Variants in PDCD4 observed in about 807,000 individuals in gnomAD.
PDCD4 encodes the protein programmed cell death protein 4.
In PDCD4, 56 loss-of-function variants were observed where a neutral mutation model predicts 54.0. That is an observed-to-expected ratio of 1.04 (90% CI 0.84 to 1.30). PDCD4 has a LOEUF of 1.30. PDCD4 is among the 50% of genes most tolerant of loss of function. The pLI, the probability that PDCD4 is intolerant of heterozygous loss-of-function variation, is 0.00. For missense variants in PDCD4, 584 were observed against 559.8 expected (o/e 1.04, Z -0.44); for synonymous variants, 186 against 194.8 (o/e 0.95, Z 0.37).
intron 2 of PDCD4, among the ~76,000 whole-genome samples, chr10:110,878,795 C>T (rs146963033): frequency 1.3e-5 from 2 of 152,238 alleles, no homozygotes; most frequent in African/African-American, 4.8e-5. Context: ...GCTCTTGAAG[C>T]TTATAGACCA....
chr10:110,896,994 T>G (rs575232311), intron 11 of PDCD4, among the ~76,000 whole-genome samples: 223 of 152,338 alleles, frequency 1.5e-3, no homozygotes, highest in African/African-American at 5.1e-3. Context: ...GATTTATGTA[T>G]GGATGTGCCA....
intron 4 of PDCD4, 103 bp downstream of exon 4, chr10:110,883,200 G>A: frequency 1.3e-6 from 1 of 742,904 alleles, no homozygotes; most frequent in South Asian, 1.7e-5. Flanking sequence ...ATGTATAAAT[G>A]TTTTGGATTA....
chr10:110,895,683 T>A (rs767392929), intron 10 of PDCD4, among the ~76,000 whole-genome samples: 5 of 152,212 alleles, frequency 3.3e-5, no homozygotes, highest in Non-Finnish European at 5.9e-5. Context: ...TGAACTAATT[T>A]GCATTCCCAC....
intron 6 of PDCD4, among the ~76,000 whole-genome samples, chr10:110,888,781 C>T (rs1052337756): frequency 6.6e-6 from 1 of 152,096 alleles, no homozygotes; most frequent in African/African-American, 2.4e-5. Context: ...TACCATTTAA[C>T]CATACCTTTA....
rs1008870756 is a variant in PDCD4, at chr10:110,885,309, G to A, written c.498G>A (p.Lys166=). ...CTTTGGATGAAAGGGCATTTGAGAAGACTTTAACACCAATCATACAGGAAT... is the reference window on the plus strand; with the variant it reads ...CTTTGGATGAAAGGGCATTTGAGAAAACTTTAACACCAATCATACAGGAAT... ...VLPLDERAFE[K]TLTPIIQEYF... The change falls in exon 5 of 12, where the codon AAG becomes AAA. Residue 166 remains lysine, a synonymous_variant. Transcript: ENST00000280154. 5.0e-6 allele frequency: 8 copies of A among 1,602,548 alleles called. No individual in the cohort carries two copies. The highest frequency in any genetic ancestry group is 6.8e-6 in the Non-Finnish European group (8 of 1,171,326).
At chr10:110,895,098 A>G (rs1240865680) in intron 10 of PDCD4, among the ~76,000 whole-genome samples, 2 of 151,984 alleles carry the variant, frequency 1.3e-5, no homozygotes, top group Admixed American at 6.6e-5. Flanking sequence ...TAGATATCAG[A>G]GGGGTATATG....
At position 110,896,056 on chromosome 10, in the gene PDCD4, T is replaced by C. The variant is rs140405638; in HGVS notation, c.1318T>C (p.Ser440Pro). Residue 440 changes from serine to proline, a missense_variant, in exon 11 of 12, where the codon TCC becomes CCC. Ser to Pro is a moderately conservative substitution (Grantham distance 74). Transcript: ENST00000280154. The part of the protein sequence containing the change: ...VEECFQAGII[S>P]KQLRDLCPSR... ...AGAATGTTTTCAGGCTGGAATAATT[T>C]CCAAACAACTCAGAGATCTTTGTCC... 3 of 1,611,038 alleles carry C rather than the reference T, an allele frequency of 1.9e-6. No individual in the cohort carries two copies. The African/African-American group carries it at 4.0e-5, about 22-fold the overall frequency.
At chr10:110,893,797 C>CTAAT (rs1845790873) in intron 8 of PDCD4, among the ~76,000 whole-genome samples, 1 of 152,056 alleles carries the variant, frequency 6.6e-6, no homozygotes, top group Non-Finnish European at 1.5e-5. Context: ...CACACTAGAG[C>CTAAT]ATTATGGTCA....
At chr10:110,881,191 C>CT in intron 2 of PDCD4, 42 bp from the exon 3 acceptor site, 4 of 1,468,476 alleles carry the variant, frequency 2.7e-6, no homozygotes, top group Non-Finnish European at 3.8e-6. Context: ...ACAGTAGATA[C>CT]TTAAAATACT....
rs1845884517 is a variant in PDCD4, at chr10:110,898,441, A to G, written c.*353A>G. The G allele has an allele frequency of 5.9e-6, 1 of 169,274 alleles. No homozygotes were observed. Among genetic ancestry groups the G allele is most frequent in the South Asian group, 2.0e-4 (1 of 5,006 alleles). 10.5% of individuals were successfully genotyped at this position (169,274 alleles called of 1,614,324 possible). A position where few individuals can be genotyped will look rare whatever the true frequency, so the allele number is the denominator to read the frequency against. On this transcript the variant is annotated 3_prime_UTR_variant, in exon 12 of 12. Coordinates refer to ENST00000280154, the MANE Select transcript of PDCD4 (RefSeq NM_014456.5). ...GGACAGTGTTTTTTGTAGTAAAATC[A>G]CTGGTTTATACAAAGCTTTATTTAG...
intron 8 of PDCD4, among the ~76,000 whole-genome samples, chr10:110,892,866 C>G (rs1845776751): frequency 6.6e-6 from 1 of 152,146 alleles, no homozygotes; most frequent in Admixed American, 6.5e-5. Flanking sequence ...CCTGAAAGCT[C>G]TATTCATATT....
At position 110,889,027 on chromosome 10, in the gene PDCD4, C is replaced by T. The variant is rs1430878788; in HGVS notation, c.778-506C>T. Among the ~76,000 whole-genome samples, 9 of 151,766 alleles carry T rather than the reference C, an allele frequency of 5.9e-5. No homozygotes were observed. The East Asian group carries it at 7.8e-4, about 13-fold the overall frequency. ...CAGGCGGATCACGAGGTCAGGAGTT[C>T]GAGACCAGCCTGGCCAAGATGGTGA... On this transcript the variant is annotated intron_variant, in intron 6 of 11. Transcript: ENST00000280154.
At chr10:110,884,873 A>C (rs1203516918) in intron 4 of PDCD4, 1 of 155,272 alleles carries the variant, frequency 6.4e-6, no homozygotes, top group Non-Finnish European at 1.4e-5. Context: ...AGCTCACTGC[A>C]GCCTCGAACT....
rs185605824 is a variant in PDCD4, at chr10:110,894,171, T to G, written c.1071T>G (p.Pro357=). The change falls in exon 9 of 12, where the codon CCT becomes CCG. Residue 357 remains proline (P), a synonymous_variant. Coordinates refer to ENST00000280154, the MANE Select transcript of PDCD4 (RefSeq NM_014456.5). ...AEHCLKELEV[P]HFHHELVYEA... is the part of the protein sequence containing the mutation. Reference sequence around the variant, plus strand: ...ATTGCCTTAAGGAACTGGAAGTACCTCATTTTCACCATGAGCTTGTATATG... The same window carrying G: ...ATTGCCTTAAGGAACTGGAAGTACCGCATTTTCACCATGAGCTTGTATATG... The G allele has an allele frequency of 3.9e-5, 63 of 1,597,752 alleles. No individual in the cohort carries two copies. The East Asian group carries it at 1.4e-3, about 35-fold the overall frequency.
In PDCD4 at chr10:110,890,659, C is replaced by G; in HGVS notation, c.979C>G (p.Leu327Val). The change falls in exon 8 of 12, where the codon CTT (leucine) becomes GTT (valine). Residue 327 changes from leucine (L) to valine (V), a missense_variant. Transcript: ENST00000280154. The part of the protein sequence containing the change: ...SGGGQQSVNH[L>V]VKEIDMLLKE... ...AGGTGGGCAGCAATCTGTCAATCAC[C>G]TTGTTAAAGAGGTAATGATTGGGTA... 1.3e-6 allele frequency: 2 copies of G among 1,596,738 alleles called. No individual in the cohort carries two copies. The highest frequency in any genetic ancestry group is 1.7e-6 in the Non-Finnish European group (2 of 1,165,064).
At chr10:110,886,595 CT>C (rs2081283008) in intron 5 of PDCD4, among the ~76,000 whole-genome samples, 1 of 152,134 alleles carries the variant, frequency 6.6e-6, no homozygotes, top group African/African-American at 2.4e-5. Context: ...GGAGGGCACT[CT>C]AACTGAATTA....
rs376743141 is a variant in PDCD4 at position 110,891,406 on chromosome 10, C to CAAA, written c.990+754_990+756dup. On this transcript the variant is annotated intron_variant, in intron 8 of 11. Coordinates refer to ENST00000280154, the MANE Select transcript of PDCD4 (RefSeq NM_014456.5). The stretch of plus-strand genomic sequence containing the variant: ...TGGGTGACAGAGCAAGACTCTGTCT[C>CAAA]AAAAAAAAAAAAAAAAAAAAGCGAT... 6.2e-3 allele frequency among the ~76,000 whole-genome samples: 423 copies of CAAA among 68,312 alleles called. 13 individuals are homozygous for CAAA. The highest frequency in any genetic ancestry group is 0.017 in the South Asian group (26 of 1,492). The allele number at this position is 68,312 out of a possible 152,430, so 44.8% of individuals were successfully genotyped here. A position where few individuals can be genotyped will look rare whatever the true frequency, so the allele number is the denominator to read the frequency against.
rs1354684958 is a variant in PDCD4 at position 110,871,939 on chromosome 10, G to A, written c.-142G>A. The A allele has an allele frequency of 6.5e-6, 1 of 153,124 alleles. No homozygotes were observed. Among genetic ancestry groups the A allele is most frequent in the Non-Finnish European group, 1.5e-5 (1 of 68,422 alleles). 9.5% of individuals were successfully genotyped at this position (153,124 alleles called of 1,614,324 possible). On this transcript the variant is annotated 5_prime_UTR_variant, in exon 1 of 12. Coordinates refer to ENST00000280154, the MANE Select transcript of PDCD4 (RefSeq NM_014456.5). ...GAGCGAGAAGGGCCAGAGACTCTCC[G>A]AGGCGGCGGCAGAGACAGAAGAGCG...
chr10:110,879,160 T>A (rs1684957057), intron 2 of PDCD4, among the ~76,000 whole-genome samples: 1 of 152,240 alleles, frequency 6.6e-6, no homozygotes, highest in Non-Finnish European at 1.5e-5. Flanking sequence ...AGCTTGTGAC[T>A]GAATTACTGA....
Sources: gnomAD v4.1 joint callset for allele counts (sites outside exome capture counted in the v4.1 genomes callset) on GRCh38, gnomAD v4.1.1 for gene constraint, MANE v1.5 for transcripts, NCBI Gene and HGNC (gene_info 2026-07-23, HGNC 2026-07-21) for gene names.